The following ARID5B variants were observed in gnomAD, a reference collection of about 807,000 sequenced individuals.
ARID5B encodes AT-rich interactive domain-containing protein 5B.
In ARID5B, 13 loss-of-function variants were observed where a neutral mutation model predicts 97.2. The observed-to-expected ratio is 0.13, with a 90% CI of 0.09 to 0.21. ARID5B has a LOEUF of 0.21. Among genes scored for constraint, ARID5B ranks in the 10% least tolerant of loss-of-function variants. The pLI is 1.00. For synonymous variants in ARID5B, 556 were observed against 570.3 expected, an observed-to-expected ratio of 0.97 and a Z score of 0.36; for missense variants, 1,210 against 1,465.3, an observed-to-expected ratio of 0.83 and a Z score of 2.84.
At chr10:61,998,008 T>C (rs1839025087) in intron 3 of ARID5B, among the ~76,000 whole-genome samples, 1 of 152,196 alleles carries the variant, frequency 6.6e-6, no homozygotes, top group African/African-American at 2.4e-5. Flanking sequence ...AAGGTAAACA[T>C]ATTTCCTTTT....
chr10:61,977,146 G>A (rs1838711617), intron 3 of ARID5B, among the ~76,000 whole-genome samples: 2 of 152,114 alleles, frequency 1.3e-5, no homozygotes, highest in African/African-American at 4.8e-5. Flanking sequence ...GCTGAGAATG[G>A]TGGTTTCCAA....
chr10:62,025,599 G>A (rs1193161142), intron 4 of ARID5B, among the ~76,000 whole-genome samples: 1 of 152,172 alleles, frequency 6.6e-6, no homozygotes, highest in Admixed American at 6.5e-5. Flanking sequence ...CTACGTTTGT[G>A]TGCTTCCTGC....
intron 2 of ARID5B, among the ~76,000 whole-genome samples, chr10:61,923,607 C>G (rs2393786): frequency 0.6 from 91,557 of 152,150 alleles, 30,099 homozygotes; most frequent in Non-Finnish European, 0.76. Context: ...CCATCTCCCC[C>G]ACCTTGGCTG....
rs151196355 is a variant in ARID5B at position 61,926,672 on chromosome 10, G to A, written c.277-13511G>A. On this transcript the variant is annotated intron_variant, in intron 2 of 9. Transcript: ENST00000279873. ...TCACCAGGCTGGAGTGCAGTGGCACGATCTCAGCTCGCTGCAACCTTCTCC... is the reference window on the plus strand; with the variant it reads ...TCACCAGGCTGGAGTGCAGTGGCACAATCTCAGCTCGCTGCAACCTTCTCC... Among the ~76,000 whole-genome samples, 483 of 152,154 alleles carry A rather than the reference G, an allele frequency of 3.2e-3. 2 individuals are homozygous for A. Among genetic ancestry groups the A allele is most frequent in the Non-Finnish European group, 3.8e-3 (255 of 67,990 alleles).
At chr10:61,915,126 G>C (rs7921378) in intron 2 of ARID5B, among the ~76,000 whole-genome samples, 73,474 of 152,024 alleles carry the variant, frequency 0.48, 17,959 homozygotes, top group African/African-American at 0.53. Context: ...AATACACTTT[G>C]AAAGGGCACT....
At chr10:61,947,599 A>C (rs1838256883) in intron 3 of ARID5B, among the ~76,000 whole-genome samples, 1 of 152,172 alleles carries the variant, frequency 6.6e-6, no homozygotes, top group East Asian at 1.9e-4. Flanking sequence ...CTAGGAATAC[A>C]TATGGTTATA....
intron 2 of ARID5B, among the ~76,000 whole-genome samples, chr10:61,910,130 C>T (rs370072016): frequency 2.0e-5 from 3 of 152,160 alleles, no homozygotes; most frequent in South Asian, 2.1e-4. Flanking sequence ...TAAAACCTCT[C>T]GACAATTAGA....
chr10:62,093,165 C>T lies in ARID5B; in HGVS notation c.*135C>T, dbSNP rs921232138. 5 of 1,345,248 alleles carry T rather than the reference C, an allele frequency of 3.7e-6. No homozygotes were observed. The highest frequency in any genetic ancestry group is 5.0e-6 in the Non-Finnish European group (5 of 1,006,922). The allele number at this position is 1,345,248 out of a possible 1,614,324, so 83.3% of individuals were successfully genotyped here. A position where few individuals can be genotyped will look rare whatever the true frequency, so the allele number is the denominator to read the frequency against. The stretch of plus-strand genomic sequence containing the variant: ...TATGATCAGTCCCAGCTGTAGGGGC[C>T]CAGAGGGGAGGTGAACATGCCTGAT... On this transcript the variant is annotated 3_prime_UTR_variant, in exon 10 of 10. Transcript: ENST00000279873.
At chr10:61,911,332 G>C (rs971620759) in intron 2 of ARID5B, among the ~76,000 whole-genome samples, 1 of 152,164 alleles carries the variant, frequency 6.6e-6, no homozygotes, top group African/African-American at 2.4e-5. Context: ...TGTGCTGCTT[G>C]TCCCTTAATC....
At chr10:62,031,662 T>C (rs187483075) in intron 4 of ARID5B, among the ~76,000 whole-genome samples, 1 of 152,032 alleles carries the variant, frequency 6.6e-6, no homozygotes, top group East Asian at 1.9e-4. Flanking sequence ...GTGCCCAGAG[T>C]TGTCAGCAAA....
In ARID5B at chr10:62,096,326, A is replaced by G. The variant is rs1168644467; in HGVS notation, c.*3296A>G. ...AAATATTTTATGTAGTGTGCCTTCA[A>G]AGAGAACCATTTATTTCTCTTCACT... On this transcript the variant is annotated 3_prime_UTR_variant, in exon 10 of 10. Transcript: ENST00000279873. The G allele has an allele frequency of 8.6e-6, 2 of 233,576 alleles. No individual in the cohort carries two copies. Among genetic ancestry groups the G allele is most frequent in the Non-Finnish European group, 1.7e-5 (2 of 118,064 alleles). The allele number at this position is 233,576 out of a possible 1,614,324, so 14.5% of individuals were successfully genotyped here. A position where few individuals can be genotyped will look rare whatever the true frequency, so the allele number is the denominator to read the frequency against.
chr10:62,045,769 T>C (rs2132924230), intron 4 of ARID5B, among the ~76,000 whole-genome samples: 1 of 152,316 alleles, frequency 6.6e-6, no homozygotes, highest in African/African-American at 2.4e-5. Context: ...AGAGAATTGA[T>C]ATCCTCAGAG....
intron 3 of ARID5B, among the ~76,000 whole-genome samples, chr10:61,942,825 C>T (rs10740053): frequency 0.7 from 105,363 of 151,384 alleles, 36,973 homozygotes; most frequent in African/African-American, 0.76. Context: ...ACAAAAAAGG[C>T]TTTTAGGTTG....
chr10:61,916,424 C>A (rs753512471), intron 2 of ARID5B, among the ~76,000 whole-genome samples: 1 of 151,962 alleles, frequency 6.6e-6, no homozygotes, highest in Non-Finnish European at 1.5e-5. Context: ...TACTATCTGG[C>A]CCTTATATAA....
intron 4 of ARID5B, among the ~76,000 whole-genome samples, chr10:62,008,069 C>G (rs1839169629): frequency 7.3e-6 from 1 of 137,362 alleles, no homozygotes; most frequent in Non-Finnish European, 1.6e-5. Flanking sequence ...ACAACACACA[C>G]ACACACACAC....
At chr10:62,059,218 T>C in intron 6 of ARID5B, 25 bp from the exon 7 acceptor site, 3 of 1,585,598 alleles carry the variant, frequency 1.9e-6, no homozygotes, top group Non-Finnish European at 2.6e-6. Flanking sequence ...AATGCTTATC[T>C]AAATACTTAT....
chr10:61,958,575 A>C (rs1838425881), intron 3 of ARID5B, among the ~76,000 whole-genome samples: 1 of 152,164 alleles, frequency 6.6e-6, no homozygotes, highest in Non-Finnish European at 1.5e-5. Context: ...TTGTTGAATG[A>C]ATGAGGAGAC....
chr10:61,989,358 C>A (rs1038038356), intron 3 of ARID5B, among the ~76,000 whole-genome samples: 1 of 152,104 alleles, frequency 6.6e-6, no homozygotes, highest in African/African-American at 2.4e-5. Flanking sequence ...CAAGTTGGCT[C>A]ACATTGTGTT....
intron 9 of ARID5B, among the ~76,000 whole-genome samples, chr10:62,086,460 G>C (rs1475149619): frequency 6.6e-6 from 1 of 152,082 alleles, no homozygotes; most frequent in Admixed American, 6.5e-5. Flanking sequence ...CCAGCACTTT[G>C]GGAGGCTGAG....
Sources: allele counts gnomAD v4.1 joint callset (sites outside exome capture counted in the v4.1 genomes callset), GRCh38; gene constraint gnomAD v4.1.1; transcripts MANE v1.5; gene names NCBI Gene and HGNC (gene_info 2026-07-23, HGNC 2026-07-21).